Variants in NTRK2 observed in about 807,000 individuals in gnomAD.
NTRK2 encodes neurotrophic receptor tyrosine kinase 2, also known as BDNF/NT-3 growth factors receptor.
In NTRK2, 13 loss-of-function variants were observed where a neutral mutation model predicts 94.5. The ratio of observed to expected loss-of-function variants is 0.14; its 90% CI spans 0.09 to 0.22. The LOEUF (loss-of-function observed/expected upper bound fraction) is 0.22. Among genes scored for constraint, NTRK2 ranks in the 10% least tolerant of loss-of-function variants. The pLI, the probability that NTRK2 is intolerant of heterozygous loss-of-function variation, is 1.00. For synonymous variants in NTRK2, 372 were observed against 407.4 expected, an observed-to-expected ratio of 0.91 and a Z score of 1.05; for missense variants, 639 against 1,071.2, an observed-to-expected ratio of 0.60 and a Z score of 5.63.
intron 2 of NTRK2, among the ~76,000 whole-genome samples, chr9:84,684,205 C>A (rs183119935): frequency 1.3e-5 from 2 of 152,232 alleles, no homozygotes; most frequent in East Asian, 3.9e-4. Context: ...TTAAGTAGAT[C>A]CCATTTGTCA....
At chr9:84,915,508 G>C (rs572101800) in intron 14 of NTRK2, among the ~76,000 whole-genome samples, 1 of 152,170 alleles carries the variant, frequency 6.6e-6, no homozygotes, top group Admixed American at 6.5e-5. Context: ...GCTCAGGCCA[G>C]CTCCCTTTCC....
At chr9:84,873,075 C>T (rs201217239) in intron 14 of NTRK2, 85 of 1,064,160 alleles carry the variant, frequency 8.0e-5, no homozygotes, top group Non-Finnish European at 8.7e-5. Flanking sequence ...GTGCGGGGCC[C>T]CTCAGAGTTA....
At chr9:84,777,584 A>G (rs1233687222) in intron 12 of NTRK2, among the ~76,000 whole-genome samples, 5 of 152,222 alleles carry the variant, frequency 3.3e-5, no homozygotes, top group Non-Finnish European at 7.3e-5. Flanking sequence ...GCATATGACA[A>G]TAGTATGCTG....
intron 14 of NTRK2, among the ~76,000 whole-genome samples, chr9:84,924,171 C>T (rs1480078666): frequency 6.6e-6 from 1 of 150,512 alleles, no homozygotes; most frequent in Non-Finnish European, 1.5e-5. Flanking sequence ...GTGATCATGC[C>T]ACTGCACTGC....
chr9:84,833,602 A>C (rs1251036265), intron 12 of NTRK2, among the ~76,000 whole-genome samples: 1 of 149,406 alleles, frequency 6.7e-6, no homozygotes, highest in Non-Finnish European at 1.5e-5. Flanking sequence ...AGAGAAAAAG[A>C]AAGAAAAGAA....
At chr9:84,881,452 T>G (rs2076251749) in intron 14 of NTRK2, among the ~76,000 whole-genome samples, 1 of 152,212 alleles carries the variant, frequency 6.6e-6, no homozygotes, top group South Asian at 2.1e-4. Flanking sequence ...AAATACTTAT[T>G]GGCAATTTTG....
At chr9:84,713,552 G>T (rs902427689) in intron 6 of NTRK2, among the ~76,000 whole-genome samples, 6 of 151,908 alleles carry the variant, frequency 3.9e-5, no homozygotes, top group African/African-American at 1.5e-4. Flanking sequence ...TGGTGTGATT[G>T]TTCTTTTTGC....
intron 17 of NTRK2, among the ~76,000 whole-genome samples, chr9:85,000,905 C>T (rs1396013138): frequency 6.6e-6 from 1 of 152,162 alleles, no homozygotes; most frequent in Non-Finnish European, 1.5e-5. Flanking sequence ...CCTGTTGCTC[C>T]ACATCCTCAT....
intron 17 of NTRK2, among the ~76,000 whole-genome samples, chr9:85,008,475 C>T (rs568037099): frequency 6.6e-6 from 1 of 152,240 alleles, no homozygotes; most frequent in South Asian, 2.1e-4. Flanking sequence ...TTGAAATGGA[C>T]TGAAATAAAG....
intron 16 of NTRK2, among the ~76,000 whole-genome samples, chr9:84,954,222 G>A (rs1332172647): frequency 6.6e-6 from 1 of 152,222 alleles, no homozygotes; most frequent in Non-Finnish European, 1.5e-5. Flanking sequence ...GGCAGAGCCC[G>A]ACAGCAAACC....
intron 4 of NTRK2, among the ~76,000 whole-genome samples, chr9:84,705,110 C>T (rs186852196): frequency 1.3e-5 from 2 of 152,208 alleles, no homozygotes; most frequent in East Asian, 1.9e-4. Context: ...GTTTCCCCAG[C>T]AATATAAAAA....
chr9:84,885,559 T>C (rs2076388796), intron 14 of NTRK2, among the ~76,000 whole-genome samples: 1 of 152,092 alleles, frequency 6.6e-6, no homozygotes, highest in Non-Finnish European at 1.5e-5. Flanking sequence ...GTCGAACACA[T>C]GGAAAACCCT....
At chr9:84,926,191 TTTC>T (rs1345640689) in intron 14 of NTRK2, among the ~76,000 whole-genome samples, 3 of 139,264 alleles carry the variant, frequency 2.2e-5, no homozygotes, top group African/African-American at 8.1e-5. Context: ...TCTTTCTTTC[TTTC>T]TTTCTTTCTT....
chr9:84,683,875 C>T (rs1339313668), intron 2 of NTRK2, among the ~76,000 whole-genome samples: 2 of 152,122 alleles, frequency 1.3e-5, no homozygotes, highest in Non-Finnish European at 2.9e-5. Context: ...TTTTAAGAAT[C>T]GCCATTCTGA....
chr9:84,928,454 G>T (rs1275458567), intron 14 of NTRK2, among the ~76,000 whole-genome samples: 1 of 152,168 alleles, frequency 6.6e-6, no homozygotes, highest in East Asian at 1.9e-4. Context: ...AAACATGAGT[G>T]TTTCAAGTAT....
At chr9:84,700,250 A>G (rs2060640527) in intron 2 of NTRK2, among the ~76,000 whole-genome samples, 3 of 152,236 alleles carry the variant, frequency 2.0e-5, no homozygotes, top group Admixed American at 2.0e-4. Flanking sequence ...GAGATCATTT[A>G]GAAGAGTGAG....
At chr9:84,956,223 G>A (rs1264884174) in intron 17 of NTRK2, among the ~76,000 whole-genome samples, 1 of 152,154 alleles carries the variant, frequency 6.6e-6, no homozygotes, top group Non-Finnish European at 1.5e-5. Context: ...GGTTGAAAGC[G>A]GTTTAGCTTG....
intron 12 of NTRK2, among the ~76,000 whole-genome samples, chr9:84,827,427 C>A (rs559722506): frequency 1.3e-5 from 2 of 152,344 alleles, no homozygotes; most frequent in South Asian, 4.1e-4. Flanking sequence ...TCTCTGAGCG[C>A]AACTCCAGCT....
At chr9:84,852,370 A>G (rs1476857888) in intron 12 of NTRK2, among the ~76,000 whole-genome samples, 1 of 152,186 alleles carries the variant, frequency 6.6e-6, no homozygotes, top group East Asian at 1.9e-4. Flanking sequence ...GTGCAACCAG[A>G]CATCACCTGC....
Sources: allele counts gnomAD v4.1 joint callset (sites outside exome capture counted in the v4.1 genomes callset), GRCh38; gene constraint gnomAD v4.1.1; transcripts MANE v1.5; gene names NCBI Gene and HGNC (gene_info 2026-07-23, HGNC 2026-07-21).